ZBTB7C: variants seen among roughly 807,000 people sequenced by gnomAD.
ZBTB7C encodes zinc finger and BTB domain containing 7C, also known as zinc finger and BTB domain-containing protein 7C.
In ZBTB7C, 8 loss-of-function variants were observed where a neutral mutation model predicts 25.7. That is an observed-to-expected ratio of 0.31 (90% CI 0.18 to 0.56). ZBTB7C has a LOEUF of 0.56. ZBTB7C is among the 20% of genes least tolerant of loss of function. The pLI is 0.91. For missense variants in ZBTB7C, 824 were observed against 855.2 expected (o/e 0.96, Z 0.46); for synonymous variants, 394 against 369.0 (o/e 1.07, Z -0.78).
Position 48,253,624 on chromosome 18 carries a change from G to C in ZBTB7C, c.-78-67629C>G, listed in dbSNP as rs7226889. On this transcript the variant is annotated intron_variant, in intron 2 of 4. Coordinates refer to ENST00000590800, the MANE Select transcript of ZBTB7C (RefSeq NM_001318841.2). Reference sequence around the variant, plus strand: ...CAAGGCAGTTAAAGTTCATAGGACAGAGCACCAGAGAGAAGAGAGAGAAAG... The same window carrying C: ...CAAGGCAGTTAAAGTTCATAGGACACAGCACCAGAGAGAAGAGAGAGAAAG... 7.0e-3 allele frequency among the ~76,000 whole-genome samples: 1,060 copies of C among 152,262 alleles called. 15 individuals carry two copies. The highest frequency in any genetic ancestry group is 0.024 in the African/African-American group (1,016 of 41,548).
At chr18:48,053,509 A>C (rs186391540) in intron 3 of ZBTB7C, among the ~76,000 whole-genome samples, 6 of 152,274 alleles carry the variant, frequency 3.9e-5, no homozygotes, top group Admixed American at 3.9e-4. Context: ...ATTTATATTT[A>C]TATTTATATT....
intron 2 of ZBTB7C, among the ~76,000 whole-genome samples, chr18:48,308,545 T>C (rs1404698330): frequency 6.6e-6 from 1 of 152,204 alleles, no homozygotes; most frequent in East Asian, 1.9e-4. Flanking sequence ...AGCCAGAGTT[T>C]CCAATTGGAC....
chr18:48,255,579 G>A (rs2043997376), intron 2 of ZBTB7C, among the ~76,000 whole-genome samples: 1 of 152,178 alleles, frequency 6.6e-6, no homozygotes, highest in South Asian at 2.1e-4. Flanking sequence ...AAATAGGGAA[G>A]TTTTAGCCAG....
rs138072163 is a variant in ZBTB7C at position 48,039,438 on chromosome 18, G to A, written c.1208+462C>T. 2.7e-3 allele frequency among the ~76,000 whole-genome samples: 414 copies of A among 152,324 alleles called. 3 individuals are homozygous for A. Among genetic ancestry groups the A allele is most frequent in the Non-Finnish European group, 4.2e-3 (288 of 68,034 alleles). ...TCTTCCCAGGGCCTAGCTGTGGTAA[G>A]CATGTACTTAAGGTGCCGAGGACGG... On this transcript the variant is annotated intron_variant, in intron 4 of 4. Transcript: ENST00000590800.
At chr18:48,212,080 C>T (rs966707592) in intron 2 of ZBTB7C, among the ~76,000 whole-genome samples, 16 of 152,176 alleles carry the variant, frequency 1.1e-4, no homozygotes, top group South Asian at 2.1e-4. Context: ...TCTGGCCAGG[C>T]GCAGTGGCTC....
chr18:48,350,197 A>G (rs116157990), intron 1 of ZBTB7C, among the ~76,000 whole-genome samples: 134 of 152,334 alleles, frequency 8.8e-4, no homozygotes, highest in African/African-American at 3.1e-3. Flanking sequence ...TTGAAGTCTG[A>G]CAAGGGTCTC....
intron 2 of ZBTB7C, among the ~76,000 whole-genome samples, chr18:48,220,287 C>T (rs562028613): frequency 6.6e-6 from 1 of 152,192 alleles, no homozygotes; most frequent in Non-Finnish European, 1.5e-5. Flanking sequence ...TGAATGAGTG[C>T]AGCTCAGTCA....
intron 3 of ZBTB7C, among the ~76,000 whole-genome samples, chr18:48,047,972 G>A (rs778309534): frequency 6.6e-6 from 1 of 152,168 alleles, no homozygotes; most frequent in Non-Finnish European, 1.5e-5. Flanking sequence ...ACCCAGCTGC[G>A]TTTGATGCCA....
In ZBTB7C at chr18:48,243,917, A is replaced by G. The variant is rs9952648; in HGVS notation, c.-78-57922T>C. On this transcript the variant is annotated intron_variant, in intron 2 of 4. Transcript: ENST00000590800. ...TTTGGCAAAGCAAACAAAAACATAAAGTAGGAAAAGGACACCCTATTCAAC... is the reference window on the plus strand; with the variant it reads ...TTTGGCAAAGCAAACAAAAACATAAGGTAGGAAAAGGACACCCTATTCAAC... Among the ~76,000 whole-genome samples, 410 of 152,358 alleles carry G rather than the reference A, an allele frequency of 2.7e-3. 1 individual carries two copies. The highest frequency in any genetic ancestry group is 9.4e-3 in the African/African-American group (393 of 41,590).
chr18:48,313,682 G>A (rs1484422203), intron 2 of ZBTB7C, among the ~76,000 whole-genome samples: 2 of 152,150 alleles, frequency 1.3e-5, no homozygotes, highest in East Asian at 3.8e-4. Flanking sequence ...TGGGTAAGTA[G>A]AGCTGGTCTT....
At chr18:48,237,166 C>T (rs936641238) in intron 2 of ZBTB7C, among the ~76,000 whole-genome samples, 5 of 152,142 alleles carry the variant, frequency 3.3e-5, no homozygotes, top group Admixed American at 3.3e-4. Flanking sequence ...TTCCATTGGC[C>T]AAACTTAGCC....
chr18:48,030,954 G>A (rs906980194), intron 4 of ZBTB7C, among the ~76,000 whole-genome samples: 7 of 152,218 alleles, frequency 4.6e-5, no homozygotes, highest in African/African-American at 1.2e-4. Context: ...GGGATAATTC[G>A]CAGCCTTCCC....
intron 1 of ZBTB7C, among the ~76,000 whole-genome samples, chr18:48,392,483 A>G (rs541314439): frequency 1.1e-4 from 16 of 152,300 alleles, no homozygotes; most frequent in East Asian, 9.6e-4. Context: ...GTTATTAGGT[A>G]TAATCAAGAT....
At chr18:48,171,896 C>T (rs1445450084) in intron 3 of ZBTB7C, among the ~76,000 whole-genome samples, 2 of 152,256 alleles carry the variant, frequency 1.3e-5, no homozygotes, top group Non-Finnish European at 2.9e-5. Flanking sequence ...TCAGGCCAGA[C>T]TTCAAGCTTA....
intron 3 of ZBTB7C, among the ~76,000 whole-genome samples, chr18:48,138,633 A>G (rs1035795401): frequency 6.6e-6 from 1 of 152,094 alleles, no homozygotes; most frequent in East Asian, 1.9e-4. Flanking sequence ...TGGGTGCTGA[A>G]GGGAAGAAGC....
At chr18:48,049,863 C>T (rs186748349) in intron 3 of ZBTB7C, among the ~76,000 whole-genome samples, 66 of 152,150 alleles carry the variant, frequency 4.3e-4, no homozygotes, top group Non-Finnish European at 8.4e-4. Flanking sequence ...AATCTGGGCT[C>T]AGGATGGTGG....
intron 1 of ZBTB7C, among the ~76,000 whole-genome samples, chr18:48,367,305 T>G: frequency 7.4e-6 from 1 of 134,350 alleles, no homozygotes; most frequent in African/African-American, 2.8e-5. Flanking sequence ...TACATATATG[T>G]ATAGATACAT....
At chr18:48,084,018 C>A in intron 3 of ZBTB7C, 5 of 362,500 alleles carry the variant, frequency 1.4e-5, no homozygotes, top group Non-Finnish European at 1.5e-5. Flanking sequence ...GGTTTCCACA[C>A]CGAAGGAAAC....
intron 2 of ZBTB7C, among the ~76,000 whole-genome samples, chr18:48,189,624 C>G (rs2042145113): frequency 6.6e-6 from 1 of 152,158 alleles, no homozygotes; most frequent in Non-Finnish European, 1.5e-5. Context: ...CTCTCCCCCA[C>G]CCATCCTTCC....
Sources: allele counts gnomAD v4.1 joint callset (sites outside exome capture counted in the v4.1 genomes callset), GRCh38; gene constraint gnomAD v4.1.1; transcripts MANE v1.5; gene names NCBI Gene and HGNC (gene_info 2026-07-23, HGNC 2026-07-21).